AIFM2: variants seen among roughly 807,000 people sequenced by gnomAD.
AIFM2 encodes the protein ferroptosis suppressor protein 1.
In AIFM2, 38 loss-of-function variants were observed where a neutral mutation model predicts 35.7. The observed-to-expected ratio is 1.06, with a 90% CI of 0.82 to 1.39. The LOEUF (loss-of-function observed/expected upper bound fraction) is 1.39. Among genes scored for constraint, AIFM2 ranks in the 40% most tolerant of loss-of-function variants. The pLI, the probability that AIFM2 is intolerant of heterozygous loss-of-function variation, is 0.00. For synonymous variants in AIFM2, 185 were observed against 203.5 expected, an observed-to-expected ratio of 0.91 and a Z score of 0.77; for missense variants, 476 against 491.2, an observed-to-expected ratio of 0.97 and a Z score of 0.29.
chr10:70,128,926 T>A (rs1323660241), intron 1 of AIFM2, among the ~76,000 whole-genome samples: 1 of 152,162 alleles, frequency 6.6e-6, no homozygotes. Flanking sequence ...CAGTGCTTCA[T>A]ACCACTGCAC....
At position 70,113,078 on chromosome 10, in the gene AIFM2, C is replaced by T. The variant is rs1050742419; in HGVS notation, c.*1100G>A. 1 of 152,222 alleles carries T rather than the reference C, an allele frequency of 6.6e-6. No homozygotes were observed. The highest frequency in any genetic ancestry group is 1.5e-5 in the Non-Finnish European group (1 of 68,064). The allele number at this position is 152,222 out of a possible 1,614,324, so 9.4% of individuals were successfully genotyped here. ...GCAAAGAGTCACATTATCTGCCCTT[C>T]CTTAAACACCTCCAATGGCTGGCAG... On this transcript the variant is annotated 3_prime_UTR_variant, in exon 9 of 9. Transcript: ENST00000307864.
chr10:70,119,265 C>T (rs2136656137), intron 5 of AIFM2, among the ~76,000 whole-genome samples: 1 of 152,352 alleles, frequency 6.6e-6, no homozygotes, highest in Non-Finnish European at 1.5e-5. Flanking sequence ...GTCTCCCTGG[C>T]TTCCATCAGC....
In AIFM2 at chr10:70,131,605, T is replaced by G. The variant is rs2072627651; in HGVS notation, c.-14+1129A>C. On this transcript the variant is annotated intron_variant, in intron 1 of 8. Transcript: ENST00000307864. This position sits in a 1 kb window ranked among gnomAD's most constrained non-coding sequence, Gnocchi z 4.1. The stretch of plus-strand genomic sequence containing the variant: ...TGTCCATCCTCCTCAGAGCCAGTTT[T>G]GTGGTCCCCATGGTCTGCCCACCAC... Among the ~76,000 whole-genome samples, 1 of 152,234 alleles carries G rather than the reference T, an allele frequency of 6.6e-6. No individual in the cohort carries two copies. Among genetic ancestry groups the G allele is most frequent in the African/African-American group, 2.4e-5 (1 of 41,458 alleles).
chr10:70,119,153 T>G (rs895682074), intron 5 of AIFM2, among the ~76,000 whole-genome samples: 1 of 152,244 alleles, frequency 6.6e-6, no homozygotes, highest in Non-Finnish European at 1.5e-5. Context: ...GCCCCTGTGC[T>G]CAGGACCCTT....
intron 3 of AIFM2, among the ~76,000 whole-genome samples, chr10:70,121,437 G>A (rs550703709): frequency 1.9e-4 from 29 of 152,230 alleles, no homozygotes; most frequent in Non-Finnish European, 3.5e-4. Flanking sequence ...ACCTAAGGAA[G>A]TAGAGTTTAC....
chr10:70,121,100 C>T lies in AIFM2; in HGVS notation c.406G>A (p.Val136Met). The change falls in exon 4 of 9, where the codon GTG becomes ATG. Residue 136 changes from valine (V) to methionine (M), a missense_variant. Val to Met is a conservative substitution (Grantham distance 21, BLOSUM62 1). Transcript: ENST00000307864. The part of the protein sequence containing the change: ...QAAIQAYEDM[V>M]RQVQRSRFIV... Reference sequence around the variant, plus strand: ...TTCAGTGCACAGCTCACCTGCCTCACCATGTCCTCATAGGCCTGGATAGCG... The same window carrying T: ...TTCAGTGCACAGCTCACCTGCCTCATCATGTCCTCATAGGCCTGGATAGCG... 6.2e-7 allele frequency: 1 copy of T among 1,612,612 alleles called. No homozygotes were observed. Among genetic ancestry groups the T allele is most frequent in the South Asian group, 1.1e-5 (1 of 90,978 alleles).
intron 6 of AIFM2, 87 bp from the exon 7 acceptor site, chr10:70,116,861 GC>G: frequency 6.5e-7 from 1 of 1,549,716 alleles, no homozygotes; most frequent in Non-Finnish European, 8.8e-7. Context: ...CCTGGGGAGG[GC>G]CTGGACCTCT....
At chr10:70,114,496 C>A (rs1401782804) in intron 8 of AIFM2, among the ~76,000 whole-genome samples, 167 bp from the exon 9 acceptor site, 2 of 151,882 alleles carry the variant, frequency 1.3e-5, no homozygotes, top group Admixed American at 6.6e-5. Flanking sequence ...TTTTTTGAGA[C>A]AGAGTTTTGC....
chr10:70,121,779 T>C (rs1188386055), intron 3 of AIFM2, among the ~76,000 whole-genome samples: 1 of 150,662 alleles, frequency 6.6e-6, no homozygotes, highest in Non-Finnish European at 1.5e-5. Context: ...AATAATTTAA[T>C]TTTTTTAAAT....
At chr10:70,119,878 GGTTGCCC>G (rs1416638055) in intron 5 of AIFM2, among the ~76,000 whole-genome samples, 5 of 152,212 alleles carry the variant, frequency 3.3e-5, no homozygotes, top group Non-Finnish European at 7.3e-5. Context: ...TTTCTCGCTA[GGTTGCCC>G]GGTAGGATCT....
At chr10:70,120,678 G>A in intron 4 of AIFM2, 79 bp from the exon 5 acceptor site, 2 of 1,530,508 alleles carry the variant, frequency 1.3e-6, no homozygotes, top group South Asian at 1.1e-5. Flanking sequence ...TCAGCCTGTG[G>A]TGTGGCTCCC....
chr10:70,114,385 C>T lies in AIFM2; in HGVS notation c.971-56G>A, dbSNP rs2072410000. On this transcript the variant is annotated intron_variant, in intron 8 of 8. Coordinates refer to ENST00000307864, the MANE Select transcript of AIFM2 (RefSeq NM_032797.6). The stretch of plus-strand genomic sequence containing the variant: ...CCTCACTGAACCGCCTGGGGCTGCA[C>T]CTCCCAGAGTGCCGATCCTTCCCGA... The T allele has an allele frequency of 6.8e-6, 11 of 1,606,010 alleles. No homozygotes were observed. In the South Asian group the frequency reaches 1.0e-4, roughly 15 times the overall value.
At position 70,116,668 on chromosome 10, in the gene AIFM2, G is replaced by A. The variant is rs768200212; in HGVS notation, c.723C>T (p.Leu241=). 1 of 1,614,216 alleles carries A rather than the reference G, an allele frequency of 6.2e-7. No individual in the cohort carries two copies. The highest frequency in any genetic ancestry group is 8.5e-7 in the Non-Finnish European group (1 of 1,180,040). Reference sequence around the variant, plus strand: ...AGCTGTTGATCTTGATGCCGGTGCAGAGAATCACCAGGTTGGTGGCCACCT... The same window carrying A: ...AGCTGTTGATCTTGATGCCGGTGCAAAGAATCACCAGGTTGGTGGCCACCT... ...GTEVATNLVI[L]CTGIKINSSA... is the part of the protein sequence containing the mutation. The change falls in exon 7 of 9, where the codon CTC becomes CTT. Residue 241 remains leucine, a synonymous_variant. Coordinates refer to ENST00000307864, the MANE Select transcript of AIFM2 (RefSeq NM_032797.6).
intron 4 of AIFM2, 150 bp downstream of exon 4, chr10:70,120,942 A>G (rs2072495420): frequency 7.3e-7 from 1 of 1,367,956 alleles, no homozygotes; most frequent in Non-Finnish European, 9.8e-7. Flanking sequence ...GTCTCTTCCC[A>G]GGAAAGTCTC....
intron 1 of AIFM2, among the ~76,000 whole-genome samples, chr10:70,132,192 G>A (rs2072633620): frequency 6.6e-6 from 1 of 152,212 alleles, no homozygotes; most frequent in South Asian, 2.1e-4. Flanking sequence ...TGTCCCTGCA[G>A]CACCCAGGGC....
chr10:70,120,303 G>A (rs376565051), intron 5 of AIFM2, among the ~76,000 whole-genome samples: 7 of 152,226 alleles, frequency 4.6e-5, no homozygotes, highest in East Asian at 3.8e-4. Context: ...GAGCAGCTCC[G>A]TAAGGTCAGG....
chr10:70,113,495 C>A lies in AIFM2; in HGVS notation c.*683G>T, dbSNP rs891766998. 2 of 152,346 alleles carry A rather than the reference C, an allele frequency of 1.3e-5. No homozygotes were observed. Among genetic ancestry groups the A allele is most frequent in the African/African-American group, 2.4e-5 (1 of 41,436 alleles). 9.4% of individuals were successfully genotyped at this position (152,346 alleles called of 1,614,324 possible). A position where few individuals can be genotyped will look rare whatever the true frequency, so the allele number is the denominator to read the frequency against. On this transcript the variant is annotated 3_prime_UTR_variant, in exon 9 of 9. Coordinates refer to ENST00000307864, the MANE Select transcript of AIFM2 (RefSeq NM_032797.6). ...TGAGCTGAGATCGTGCCACTGCACT[C>A]CAGCCTGGGTGACAGGGCGAGACTG... is the stretch of plus-strand genomic sequence containing the variant.
intron 3 of AIFM2, among the ~76,000 whole-genome samples, chr10:70,121,468 G>A (rs1329696227): frequency 6.6e-6 from 1 of 152,078 alleles, no homozygotes; most frequent in African/African-American, 2.4e-5. Flanking sequence ...AGAATGTGGG[G>A]GCAACTGGAG....
chr10:70,120,273 C>T (rs185337854), intron 5 of AIFM2, among the ~76,000 whole-genome samples: 89 of 152,358 alleles, frequency 5.8e-4, no homozygotes, highest in Non-Finnish European at 1.9e-4. Context: ...AGGACCTTTC[C>T]TTGAGAAAGG....
Sources: allele counts gnomAD v4.1 joint callset (sites outside exome capture counted in the v4.1 genomes callset), GRCh38; gene constraint gnomAD v4.1.1; non-coding constraint Gnocchi (gnomAD v3.1); transcripts MANE v1.5; gene names NCBI Gene and HGNC (gene_info 2026-07-23, HGNC 2026-07-21).